Variants in SIL1 observed in about 807,000 individuals in gnomAD.
SIL1 encodes nucleotide exchange factor SIL1.
SIL1 carries 40 observed loss-of-function variants against 49.1 expected under a neutral mutation model. That is an observed-to-expected ratio of 0.81 (90% CI 0.63 to 1.06). SIL1 has a LOEUF of 1.06. Ranked by LOEUF, SIL1 falls within the 50% of genes least tolerant of loss-of-function variation. SIL1 has a pLI of 0.00. For missense variants in SIL1, 500 were observed against 572.6 expected (o/e 0.87, Z 1.29); for synonymous variants, 253 against 250.8 (o/e 1.01, Z -0.08).
chr5:139,111,991 C>T (rs924838035), intron 3 of SIL1, among the ~76,000 whole-genome samples: 46 of 152,332 alleles, frequency 3.0e-4, no homozygotes, highest in African/African-American at 1.0e-3. Context: ...ATTGCAGGTG[C>T]GCGCCGCCAC....
intron 7 of SIL1, among the ~76,000 whole-genome samples, chr5:138,973,998 A>G (rs761715655): frequency 6.6e-6 from 1 of 152,170 alleles, no homozygotes; most frequent in Non-Finnish European, 1.5e-5. Flanking sequence ...GCTATTTTCA[A>G]TGTAGAGACC....
At chr5:139,085,686 G>A (rs920960541) in intron 3 of SIL1, among the ~76,000 whole-genome samples, 2 of 152,130 alleles carry the variant, frequency 1.3e-5, no homozygotes, top group African/African-American at 4.8e-5. Flanking sequence ...TTATCATAAG[G>A]CTGGTTTAGA....
chr5:138,991,652 C>T (rs1346005980), intron 7 of SIL1, among the ~76,000 whole-genome samples: 1 of 152,200 alleles, frequency 6.6e-6, no homozygotes, highest in African/African-American at 2.4e-5. Context: ...CAATAGTTGC[C>T]CTCCCTCTAT....
In SIL1 at chr5:138,947,074, C is replaced by T. The variant is rs370885708; in HGVS notation, c.*43G>A. 1.7e-5 allele frequency: 26 copies of T among 1,518,742 alleles called. No individual in the cohort carries two copies. The South Asian group carries it at 1.8e-4, about 11-fold the overall frequency. The allele number at this position is 1,518,742 out of a possible 1,614,324, so 94.1% of individuals were successfully genotyped here. A position where few individuals can be genotyped will look rare whatever the true frequency, so the allele number is the denominator to read the frequency against. On this transcript the variant is annotated 3_prime_UTR_variant, in exon 10 of 10. Coordinates refer to ENST00000394817, the MANE Select transcript of SIL1 (RefSeq NM_022464.5). This position sits in a 1 kb window ranked among gnomAD's most constrained non-coding sequence, Gnocchi z 4.1. ...GAAGCCCACCCACGCTGGCACCCCT[C>T]AGCCTCACTAGCGGCATCCCAGTCC...
At chr5:138,985,106 C>T (rs1767624477) in intron 7 of SIL1, among the ~76,000 whole-genome samples, 1 of 152,196 alleles carries the variant, frequency 6.6e-6, no homozygotes, top group African/African-American at 2.4e-5. Flanking sequence ...GTGGCATGGG[C>T]CCTGGTTCAC....
intron 1 of SIL1, among the ~76,000 whole-genome samples, chr5:139,143,710 A>C (rs1467936336): frequency 6.6e-6 from 1 of 152,102 alleles, no homozygotes; most frequent in Admixed American, 6.6e-5. Context: ...TTCACAAATA[A>C]AACCTGTTAG....
intron 7 of SIL1, among the ~76,000 whole-genome samples, chr5:138,995,284 G>A (rs1331430747): frequency 7.2e-6 from 1 of 139,686 alleles, no homozygotes; most frequent in Non-Finnish European, 1.5e-5. Context: ...TTTCACTCTT[G>A]TTGCCCAGGC....
At chr5:139,161,774 T>C (rs1203284823) in intron 1 of SIL1, among the ~76,000 whole-genome samples, 1 of 152,020 alleles carries the variant, frequency 6.6e-6, no homozygotes, top group Non-Finnish European at 1.5e-5. Context: ...CCCACCACTT[T>C]GGGAGGCTGA....
At chr5:139,057,281 C>A (rs1290761436) in intron 3 of SIL1, among the ~76,000 whole-genome samples, 1 of 132,732 alleles carries the variant, frequency 7.5e-6, no homozygotes, top group Non-Finnish European at 1.6e-5. Flanking sequence ...CCAGCCAAAT[C>A]CCCCTCTGCG....
In SIL1 at chr5:138,951,162, GGCAC is replaced by G. The variant is rs1766764245; in HGVS notation, c.1029+5_1029+8del. ...AACAAGAGGAGACTGGGTGGGCCTG[GGCAC>G]TCACCTTCTCCGTGACCAGGTCGTA... On this transcript the variant is annotated splice_donor_5th_base_variant and intron_variant, in intron 9 of 9. Coordinates refer to ENST00000394817, the MANE Select transcript of SIL1 (RefSeq NM_022464.5). 1 of 1,610,398 alleles carries G rather than the reference GGCAC, an allele frequency of 6.2e-7. No homozygotes were observed. The highest frequency in any genetic ancestry group is 1.1e-5 in the South Asian group (1 of 90,076).
chr5:139,043,723 T>C (rs1190158584), intron 4 of SIL1, among the ~76,000 whole-genome samples: 4 of 152,186 alleles, frequency 2.6e-5, no homozygotes, highest in Non-Finnish European at 4.4e-5. Context: ...CAGCTACACA[T>C]CTTGACCAGA....
At chr5:138,978,207 C>T (rs1489187448) in intron 7 of SIL1, among the ~76,000 whole-genome samples, 1 of 145,166 alleles carries the variant, frequency 6.9e-6, no homozygotes, top group Non-Finnish European at 1.5e-5. Flanking sequence ...ACTAGTGCCC[C>T]CCGCAACTCT....
chr5:138,950,364 T>G (rs554862458), intron 9 of SIL1, among the ~76,000 whole-genome samples: 62 of 151,936 alleles, frequency 4.1e-4, no homozygotes, highest in Admixed American at 2.0e-4. Flanking sequence ...AGACAGAGAG[T>G]TGGGGAGAGA....
At position 139,030,658 on chromosome 5, in the gene SIL1, T is replaced by G. The variant is rs542799605; in HGVS notation, c.454-3666A>C. 9.7e-4 allele frequency among the ~76,000 whole-genome samples: 147 copies of G among 151,356 alleles called. 1 individual carries two copies. Among genetic ancestry groups the G allele is most frequent in the African/African-American group, 3.0e-3 (125 of 41,180 alleles). Reference sequence around the variant, plus strand: ...AGAAAAAAAAAAGAATTCTTTTTTTTGGGGGGTAGAAAAAAACTATTTTTT... The same window carrying G: ...AGAAAAAAAAAAGAATTCTTTTTTTGGGGGGGTAGAAAAAAACTATTTTTT... On this transcript the variant is annotated intron_variant, in intron 5 of 9. Coordinates refer to ENST00000394817, the MANE Select transcript of SIL1 (RefSeq NM_022464.5).
chr5:139,105,309 A>C (rs1380205119), intron 3 of SIL1, among the ~76,000 whole-genome samples: 2 of 152,218 alleles, frequency 1.3e-5, no homozygotes, highest in African/African-American at 4.8e-5. Context: ...ATTCCAGAAG[A>C]AGCTAGGCAG....
At chr5:139,151,035 C>T (rs11955030) in intron 1 of SIL1, among the ~76,000 whole-genome samples, 60,854 of 151,946 alleles carry the variant, frequency 0.4, 13,291 homozygotes, top group South Asian at 0.52. Context: ...GAGGAGGATG[C>T]TGGTATTGAT....
intron 7 of SIL1, 55 bp downstream of exon 7, chr5:139,021,116 C>T: frequency 6.2e-7 from 1 of 1,613,180 alleles, no homozygotes; most frequent in South Asian, 1.1e-5. Context: ...ACCCTTCTTC[C>T]AAGCAGATCA....
chr5:139,186,371 C>G (rs998713212), intron 1 of SIL1, among the ~76,000 whole-genome samples: 10 of 152,198 alleles, frequency 6.6e-5, no homozygotes, highest in African/African-American at 2.2e-4. Flanking sequence ...TCCCCTCCCC[C>G]ACCTTTATTA....
intron 1 of SIL1, among the ~76,000 whole-genome samples, chr5:139,168,321 C>T (rs1330424211): frequency 6.6e-6 from 1 of 152,194 alleles, no homozygotes; most frequent in Non-Finnish European, 1.5e-5. Flanking sequence ...CAGGGAAAGG[C>T]CTTGATGGCA....
Sources: allele counts gnomAD v4.1 joint callset (sites outside exome capture counted in the v4.1 genomes callset), GRCh38; gene constraint gnomAD v4.1.1; non-coding constraint Gnocchi (gnomAD v3.1); transcripts MANE v1.5; gene names NCBI Gene and HGNC (gene_info 2026-07-23, HGNC 2026-07-21).